DGKZ: variants seen among roughly 807,000 people sequenced by gnomAD.
DGKZ encodes DAG kinase zeta.
A neutral mutation model predicts 142.5 loss-of-function variants in DGKZ; 45 were observed. That is an observed-to-expected ratio of 0.32 (90% CI 0.25 to 0.40). The LOEUF is 0.40. DGKZ is among the 10% of genes least tolerant of loss of function. DGKZ has a pLI of 1.00. For synonymous variants in DGKZ, 442 were observed against 527.0 expected (o/e 0.84, Z 2.21); for missense variants, 755 against 1,306.5 (o/e 0.58, Z 6.51).
chr11:46,353,724 A>G (rs1245087930), intron 1 of DGKZ, among the ~76,000 whole-genome samples: 1 of 152,080 alleles, frequency 6.6e-6, no homozygotes, highest in Non-Finnish European at 1.5e-5. Context: ...GAGAGGTCTG[A>G]GAGGAGAGGG....
chr11:46,359,334 A>C (rs1251215423), intron 1 of DGKZ, among the ~76,000 whole-genome samples: 1 of 151,680 alleles, frequency 6.6e-6, no homozygotes, highest in Non-Finnish European at 1.5e-5. Context: ...AATCCCAGCT[A>C]GTCAGGAGGC....
At chr11:46,334,176 G>A (rs749098846) in intron 1 of DGKZ, among the ~76,000 whole-genome samples, 12 of 152,200 alleles carry the variant, frequency 7.9e-5, no homozygotes, top group Non-Finnish European at 1.6e-4. Flanking sequence ...GGGGTAGGAC[G>A]TTAATGAGGG....
chr11:46,359,048 C>T (rs1429711989), intron 1 of DGKZ, among the ~76,000 whole-genome samples: 1 of 151,914 alleles, frequency 6.6e-6, no homozygotes. Context: ...GAGGCTGAGG[C>T]AGGAGAATCA....
Position 46,372,727 on chromosome 11 carries a change from G to A in DGKZ, c.1072-44G>A, listed in dbSNP as rs765883904. 3.7e-5 allele frequency: 59 copies of A among 1,610,980 alleles called. No homozygotes were observed. Among genetic ancestry groups the A allele is most frequent in the South Asian group, 5.5e-5 (5 of 90,846 alleles). ...GAGCACCAGGGCTGGGCCTGAAGCCGGGGTCCCTGTGGGCCTGATTTGCCT... is the reference window on the plus strand; with the variant it reads ...GAGCACCAGGGCTGGGCCTGAAGCCAGGGTCCCTGTGGGCCTGATTTGCCT... On this transcript the variant is annotated intron_variant, in intron 12 of 30. Transcript: ENST00000527911. This position sits in a 1 kb window ranked among gnomAD's most constrained non-coding sequence, Gnocchi z 5.9.
chr11:46,335,152 A>G (rs1205919123), intron 1 of DGKZ, among the ~76,000 whole-genome samples: 4 of 152,074 alleles, frequency 2.6e-5, no homozygotes, highest in Non-Finnish European at 4.4e-5. Context: ...TGTCTCTACT[A>G]AATATACAAA....
chr11:46,346,229 G>A (rs376122587), upstream of DGKZ, among the ~76,000 whole-genome samples: 4 of 152,344 alleles, frequency 2.6e-5, no homozygotes, highest in South Asian at 4.1e-4. Flanking sequence ...GCTGGAAAAC[G>A]GGCTGCCAGA....
chr11:46,367,399 C>G lies in DGKZ; in HGVS notation c.270C>G (p.Ser90Arg). The G allele has an allele frequency of 3.7e-6, 6 of 1,612,902 alleles. No individual in the cohort carries two copies. Among genetic ancestry groups the G allele is most frequent in the Non-Finnish European group, 5.1e-6 (6 of 1,179,848 alleles). ...AGATCCGGAGTACAGTGGACTGGAG[C>G]GTGAGTGCCTGAACACCCCTGGGTC... The change falls in exon 2 of 31, where the codon AGC becomes AGG. Residue 90 changes from serine (S) to arginine (R), a missense_variant and splice_region_variant. Ser to Arg is a moderately radical substitution (Grantham distance 110). Coordinates refer to ENST00000527911, the Ensembl canonical transcript of DGKZ. This position sits in a 1 kb window ranked among gnomAD's most constrained non-coding sequence, Gnocchi z 4.1.
chr11:46,344,450 A>G (rs1053118529), upstream of DGKZ, among the ~76,000 whole-genome samples: 1 of 145,292 alleles, frequency 6.9e-6, no homozygotes, highest in Non-Finnish European at 1.5e-5. Context: ...CCATGAGCTC[A>G]ATTTTTTTTT....
chr11:46,374,104 C>A, intron 14 of DGKZ, 53 bp from the exon 15 acceptor site: 1 of 1,591,606 alleles, frequency 6.3e-7, no homozygotes, highest in Non-Finnish European at 8.6e-7. Flanking sequence ...GCCCCTGGAG[C>A]GGGGACATTT....
At chr11:46,373,935 A>G (rs533326611) in intron 14 of DGKZ, among the ~76,000 whole-genome samples, 1 of 152,364 alleles carries the variant, frequency 6.6e-6, no homozygotes, top group Non-Finnish European at 1.5e-5. Flanking sequence ...GGGAGCTGAC[A>G]GGGAAGAGAT....
intron 1 of DGKZ, among the ~76,000 whole-genome samples, chr11:46,359,277 C>T (rs1255892052): frequency 6.6e-6 from 1 of 151,860 alleles, no homozygotes; most frequent in Non-Finnish European, 1.5e-5. Context: ...CCCGTCTCTA[C>T]TAAAAATACA....
chr11:46,361,785 G>A (rs898481802), intron 1 of DGKZ: 8 of 623,010 alleles, frequency 1.3e-5, no homozygotes, highest in Non-Finnish European at 6.0e-6. Flanking sequence ...GGGAGGGTTG[G>A]ATCCGGGCGG....
Position 46,372,663 on chromosome 11 carries a change from G to A in DGKZ, c.1057G>A (p.Gly353Arg), listed in dbSNP as rs771956773. 1.2e-6 allele frequency: 2 copies of A among 1,613,394 alleles called. No homozygotes were observed. Among genetic ancestry groups the A allele is most frequent in the Non-Finnish European group, 8.5e-7 (1 of 1,179,940 alleles). The change falls in exon 12 of 31, where the codon GGG becomes AGG. Residue 353 changes from glycine to arginine, a missense_variant. Gly to Arg is a moderately radical substitution (Grantham distance 125). Coordinates refer to ENST00000527911, the Ensembl canonical transcript of DGKZ. This position sits in a 1 kb window ranked among gnomAD's most constrained non-coding sequence, Gnocchi z 5.9. ...GCACAACCTGCGGATCCTGGCGTGC[G>A]GGGGCGACGGCACGGTGAGCTCCCC...
In DGKZ at chr11:46,364,456, C is replaced by T. The variant is rs988628185; in HGVS notation, c.162-2835C>T. Reference sequence around the variant, plus strand: ...CCTGCTGTCCTGCCCCTGCAGCTCCCTCCGGCCCAGGTGGTCTGCTTTGAG... The same window carrying T: ...CCTGCTGTCCTGCCCCTGCAGCTCCTTCCGGCCCAGGTGGTCTGCTTTGAG... On this transcript the variant is annotated intron_variant, in intron 1 of 30. Coordinates refer to ENST00000527911, the Ensembl canonical transcript of DGKZ. 2.2e-4 allele frequency: 286 copies of T among 1,276,204 alleles called. 4 individuals are homozygous for T. Among genetic ancestry groups the T allele is most frequent in the Middle Eastern group, 4.4e-4 (2 of 4,564 alleles). The allele number at this position is 1,276,204 out of a possible 1,614,324, so 79.1% of individuals were successfully genotyped here. A position where few individuals can be genotyped will look rare whatever the true frequency, so the allele number is the denominator to read the frequency against.
chr11:46,360,092 AAAC>A (rs948139465), intron 1 of DGKZ, among the ~76,000 whole-genome samples: 70 of 152,270 alleles, frequency 4.6e-4, no homozygotes, highest in African/African-American at 1.6e-3. Flanking sequence ...ACTTCAACCA[AAAC>A]AACATGTCAC....
intron 1 of DGKZ, among the ~76,000 whole-genome samples, chr11:46,351,914 A>G (rs1043323170): frequency 6.6e-6 from 1 of 152,104 alleles, no homozygotes; most frequent in Non-Finnish European, 1.5e-5. Flanking sequence ...CCATACTCCA[A>G]AAAGGTCAGA....
rs201999138 is a variant in DGKZ, at chr11:46,369,975, G to A, written c.536G>A (p.Arg179Gln). ...GTACGGCACCACTGGGTACACAGAC[G>A]ACGCCAGGACGGCAAGTGTCGGCAC... Residue 179 changes from arginine to glutamine, a missense_variant, in exon 6 of 31, where the codon CGA (arginine) becomes CAA (glutamine). This residue lies in a region of DGKZ where 142 missense variants were observed against 244.4 expected (regional missense o/e 0.58). Coordinates refer to ENST00000527911, the Ensembl canonical transcript of DGKZ. 53 of 1,613,828 alleles carry A rather than the reference G, an allele frequency of 3.3e-5. No homozygotes were observed. The highest frequency in any genetic ancestry group is 1.6e-4 in the Middle Eastern group (1 of 6,062).
Position 46,366,842 on chromosome 11 carries a change from C to G in DGKZ, c.162-449C>G, listed in dbSNP as rs772211301. 26 of 1,545,784 alleles carry G rather than the reference C, an allele frequency of 1.7e-5. No homozygotes were observed. The highest frequency in any genetic ancestry group is 1.7e-4 in the Middle Eastern group (1 of 5,874). On this transcript the variant is annotated intron_variant, in intron 1 of 30. Transcript: ENST00000527911. Reference sequence around the variant, plus strand: ...CAGCCAGCGGCGGCCCTCAGGCCAGCACCCTGGCCCTGGGGGCCGAAGAGC... The same window carrying G: ...CAGCCAGCGGCGGCCCTCAGGCCAGGACCCTGGCCCTGGGGGCCGAAGAGC...
intron 24 of DGKZ, 26 bp downstream of exon 24, chr11:46,376,590 C>T (rs748536722): frequency 1.2e-6 from 2 of 1,613,020 alleles, no homozygotes; most frequent in Admixed American, 1.7e-5. Context: ...CCTGCTCCAG[C>T]CACAGCTGCT....
Sources: gnomAD v4.1 joint callset for allele counts (sites outside exome capture counted in the v4.1 genomes callset) on GRCh38, gnomAD v4.1.1 for gene constraint, gnomAD v4.1.1 regional missense constraint, Gnocchi (gnomAD v3.1) non-coding constraint, MANE v1.5 for transcripts, NCBI Gene and HGNC (gene_info 2026-07-23, HGNC 2026-07-21) for gene names.